The following SLC35E2B variants were observed in gnomAD, a reference collection of about 807,000 sequenced individuals.
SLC35E2B encodes the protein solute carrier family 35, member E2B.
SLC35E2B carries 18 observed loss-of-function variants against 32.4 expected under a neutral mutation model. The ratio of observed to expected loss-of-function variants is 0.56; its 90% CI spans 0.38 to 0.82. The LOEUF (loss-of-function observed/expected upper bound fraction) is 0.82, where lower values mean the gene tolerates loss of function less well. SLC35E2B is among the 40% of genes least tolerant of loss of function. The pLI, the probability that SLC35E2B is intolerant of heterozygous loss-of-function variation, is 0.00. For missense variants in SLC35E2B, 263 were observed against 469.5 expected (o/e 0.56, Z 4.06); for synonymous variants, 132 against 209.1 (o/e 0.63, Z 3.18).
intron 2 of SLC35E2B, among the ~76,000 whole-genome samples, chr1:1,680,805 CT>C (rs751698818): frequency 0.086 from 12,072 of 141,142 alleles, 1,406 homozygotes; most frequent in African/African-American, 0.27. Flanking sequence ...GCTGCTTATT[CT>C]TTTTTTTTTT....
chr1:1,680,823 G>C lies in SLC35E2B; in HGVS notation c.-147-3977C>G, dbSNP rs1480081149. ...GCTTATTCTTTTTTTTTTTTTTTTA[G>C]ATGGAATCTCGATCTGTCGCCCAGG... On this transcript the variant is annotated intron_variant, in intron 2 of 9. Transcript: ENST00000617444. Among the ~76,000 whole-genome samples the C allele has an allele frequency of 5.5e-5, 8 of 145,926 alleles. No individual in the cohort carries two copies. The East Asian group carries it at 1.4e-3, about 25-fold the overall frequency.
chr1:1,669,336 G>A (rs1307629864), intron 8 of SLC35E2B, among the ~76,000 whole-genome samples: 2 of 151,592 alleles, frequency 1.3e-5, no homozygotes, highest in East Asian at 3.9e-4. Context: ...TCCAGCCTGG[G>A]ATACAGAGCG....
rs1461484527 is a variant in SLC35E2B at position 1,692,475 on chromosome 1, A to G, written c.-592T>C. The G allele has an allele frequency of 7.1e-6, 7 of 986,096 alleles. No individual in the cohort carries two copies. Among genetic ancestry groups the G allele is most frequent in the Non-Finnish European group, 6.0e-6 (5 of 830,730 alleles). 61.1% of individuals were successfully genotyped at this position (986,096 alleles called of 1,614,324 possible). On this transcript the variant is annotated 5_prime_UTR_variant, in exon 1 of 10. Coordinates refer to ENST00000617444, the MANE Select transcript of SLC35E2B (RefSeq NM_001290264.2). ...GAGAGCCTGATGCAGTCTCCGCCGC[A>G]GGCATAGCGCTAGGCCCCGGCGCCT...
At chr1:1,668,785 G>A (rs1312685585) in intron 8 of SLC35E2B, among the ~76,000 whole-genome samples, 7 of 152,220 alleles carry the variant, frequency 4.6e-5, no homozygotes, top group African/African-American at 9.6e-5. Flanking sequence ...ATGCGGGGCC[G>A]GGCATGGCCA....
intron 6 of SLC35E2B, chr1:1,670,598 T>C (rs1485338281): frequency 6.4e-6 from 1 of 157,232 alleles, no homozygotes; most frequent in African/African-American, 2.4e-5. Context: ...ATCTTTTGTA[T>C]TTTTAGTAGA....
At chr1:1,670,917 C>T (rs1333995562) in intron 6 of SLC35E2B, 1 of 152,222 alleles carries the variant, frequency 6.6e-6, no homozygotes, top group Non-Finnish European at 1.5e-5. Context: ...AACAGCACGG[C>T]AGGGAGGTGG....
At chr1:1,670,034 T>TA in intron 7 of SLC35E2B, 64 bp downstream of exon 7, 1 of 1,407,000 alleles carries the variant, frequency 7.1e-7, no homozygotes. Flanking sequence ...TTCTGACTCT[T>TA]ACAGTGAGCA....
chr1:1,668,588 G>A (rs1643603407), intron 8 of SLC35E2B, 116 bp from the exon 9 acceptor site: 2 of 1,591,484 alleles, frequency 1.3e-6, no homozygotes, highest in African/African-American at 2.7e-5. Flanking sequence ...CTGCCACTGA[G>A]GACAGCCCTG....
chr1:1,692,584 G>T lies in SLC35E2B; in HGVS notation c.-701C>A. 1.0e-6 allele frequency: 1 copy of T among 985,380 alleles called. No individual in the cohort carries two copies. The highest frequency in any genetic ancestry group is 1.2e-6 in the Non-Finnish European group (1 of 830,050). 61.0% of individuals were successfully genotyped at this position (985,380 alleles called of 1,614,324 possible). A position where few individuals can be genotyped will look rare whatever the true frequency, so the allele number is the denominator to read the frequency against. On this transcript the variant is annotated 5_prime_UTR_variant, in exon 1 of 10. Coordinates refer to ENST00000617444, the MANE Select transcript of SLC35E2B (RefSeq NM_001290264.2). ...CGCGAGGCCGCGGAGACAGCTCGGAGCTCGGCACTGGGGAGTGGCACAGCG... is the reference window on the plus strand; with the variant it reads ...CGCGAGGCCGCGGAGACAGCTCGGATCTCGGCACTGGGGAGTGGCACAGCG...
chr1:1,678,234 G>A (rs529825320), intron 2 of SLC35E2B, among the ~76,000 whole-genome samples: 3 of 152,154 alleles, frequency 2.0e-5, no homozygotes, highest in African/African-American at 7.2e-5. Context: ...CGTGCCATAT[G>A]TATACATAAA....
chr1:1,668,808 C>T (rs1272590756), intron 8 of SLC35E2B, among the ~76,000 whole-genome samples: 8 of 151,978 alleles, frequency 5.3e-5, no homozygotes, highest in Non-Finnish European at 8.8e-5. Flanking sequence ...CTGGCCAACA[C>T]GGTGAAACCT....
At position 1,665,016 on chromosome 1, in the gene SLC35E2B, C is replaced by T; in HGVS notation, c.*766G>A. 1.0e-6 allele frequency: 1 copy of T among 979,114 alleles called. No homozygotes were observed. Among genetic ancestry groups the T allele is most frequent in the Non-Finnish European group, 1.2e-6 (1 of 824,194 alleles). The allele number at this position is 979,114 out of a possible 1,614,324, so 60.7% of individuals were successfully genotyped here. A position where few individuals can be genotyped will look rare whatever the true frequency, so the allele number is the denominator to read the frequency against. The stretch of plus-strand genomic sequence containing the variant: ...GTCCTCAACCTCAGGGCTGGAAACC[C>T]CCACAGGTAGGAGGGCAGGGTGCCC... On this transcript the variant is annotated 3_prime_UTR_variant, in exon 10 of 10. Transcript: ENST00000617444.
At position 1,670,126 on chromosome 1, in the gene SLC35E2B, G is replaced by C. The variant is rs1427990499; in HGVS notation, c.733C>G (p.Leu245Val). ...AACCTGTATTTGTCCCCGCTGAGCAGCTTTTTTGAAAAAACATTTTGCAAA... is the reference window on the plus strand; with the variant it reads ...AACCTGTATTTGTCCCCGCTGAGCACCTTTTTTGAAAAAACATTTTGCAAA... ...DCLQNVFSKK[L>V]LSGDKYRFSA... Residue 245 changes from leucine (L) to valine (V), a missense_variant, in exon 7 of 10, where the codon CTG (leucine) becomes GTG (valine). Physicochemically the swap from Leu to Val is conservative, Grantham distance 32. This residue lies in a region of SLC35E2B where 129 missense variants were observed against 164.5 expected (regional missense o/e 0.78). Coordinates refer to ENST00000617444, the MANE Select transcript of SLC35E2B (RefSeq NM_001290264.2). The C allele has an allele frequency of 3.9e-6, 6 of 1,551,602 alleles. No individual in the cohort carries two copies. Among genetic ancestry groups the C allele is most frequent in the Non-Finnish European group, 5.2e-6 (6 of 1,146,724 alleles).
In SLC35E2B at chr1:1,669,625, C is replaced by T. The variant is rs577025930; in HGVS notation, c.834+39G>A. 4.0e-6 allele frequency: 6 copies of T among 1,492,662 alleles called. No individual in the cohort carries two copies. The South Asian group carries it at 6.3e-5, about 16-fold the overall frequency. 92.5% of individuals were successfully genotyped at this position (1,492,662 alleles called of 1,614,324 possible). ...CTCCTGAATCACCGGAGAAGGCAGC[C>T]CGGCAAGTAAGGACGGGACGCCTGT... On this transcript the variant is annotated intron_variant, in intron 8 of 9. Transcript: ENST00000617444.
At chr1:1,684,866 G>A (rs1288038439) in intron 2 of SLC35E2B, among the ~76,000 whole-genome samples, 3 of 149,678 alleles carry the variant, frequency 2.0e-5, no homozygotes, top group African/African-American at 7.4e-5. Flanking sequence ...AGCACTTTGG[G>A]AGCCCAAGGC....
At chr1:1,688,377 T>A (rs1355857066) in intron 2 of SLC35E2B, among the ~76,000 whole-genome samples, 1 of 151,900 alleles carries the variant, frequency 6.6e-6, no homozygotes, top group Non-Finnish European at 1.5e-5. Context: ...GAGGCTGAGG[T>A]GGGCGGATCA....
chr1:1,678,265 G>A lies in SLC35E2B; in HGVS notation c.-147-1419C>T, dbSNP rs1643870669. On this transcript the variant is annotated intron_variant, in intron 2 of 9. Transcript: ENST00000617444. ...ATAAATATTCTGTGTTCACACTGAG[G>A]GACGCACGCCACCCCCTCCCCCATG... Among the ~76,000 whole-genome samples, 2 of 151,972 alleles carry A rather than the reference G, an allele frequency of 1.3e-5. 1 individual carries two copies. Among genetic ancestry groups the A allele is most frequent in the Non-Finnish European group, 2.9e-5 (2 of 67,992 alleles).
At chr1:1,678,567 C>T (rs371733733) in intron 2 of SLC35E2B, among the ~76,000 whole-genome samples, 58 of 152,222 alleles carry the variant, frequency 3.8e-4, no homozygotes, top group East Asian at 3.3e-3. Context: ...CCTGACCCCT[C>T]GGTGCACCAG....
At position 1,676,109 on chromosome 1, in the gene SLC35E2B, T is replaced by C. The variant is rs770848810; in HGVS notation, c.413A>G (p.Tyr138Cys). 1.6e-6 allele frequency: 2 copies of C among 1,254,308 alleles called. No homozygotes were observed. Among genetic ancestry groups the C allele is most frequent in the Admixed American group, 1.9e-5 (1 of 51,484 alleles). 77.7% of individuals were successfully genotyped at this position (1,254,308 alleles called of 1,614,324 possible). A position where few individuals can be genotyped will look rare whatever the true frequency, so the allele number is the denominator to read the frequency against. ...CATCGTCATAAGGAAGTTGGGTGGG[T>C]AGGAAAGCCGGGCCTTGTGCTGATA... ...CLYQHKARLS[Y>C]PPNFLMTMLF... The change falls in exon 4 of 10, where the codon TAC becomes TGC. Residue 138 changes from tyrosine to cysteine, a missense_variant. By Grantham distance (194) the Tyr-to-Cys change is radical. Coordinates refer to ENST00000617444, the MANE Select transcript of SLC35E2B (RefSeq NM_001290264.2).
Sources: allele counts gnomAD v4.1 joint callset (sites outside exome capture counted in the v4.1 genomes callset), GRCh38; gene constraint gnomAD v4.1.1; regional missense constraint gnomAD v4.1.1; transcripts MANE v1.5; gene names NCBI Gene and HGNC (gene_info 2026-07-23, HGNC 2026-07-21).